The following RHBDD1 variants were observed in gnomAD, a reference collection of about 807,000 sequenced individuals.
The protein encoded by RHBDD1 is rhomboid-related protein 4.
RHBDD1 carries 38 observed loss-of-function variants against 36.3 expected under a neutral mutation model. The ratio of observed to expected loss-of-function variants is 1.05; its 90% CI spans 0.81 to 1.37. The LOEUF is 1.37. RHBDD1 is among the 40% of genes most tolerant of loss of function. RHBDD1 has a pLI of 0.00. For synonymous variants in RHBDD1, 151 were observed against 136.5 expected (o/e 1.11, Z -0.74); for missense variants, 393 against 377.6 (o/e 1.04, Z -0.34).
intron 5 of RHBDD1, among the ~76,000 whole-genome samples, chr2:226,875,809 G>A (rs1450064155): frequency 6.6e-6 from 1 of 152,170 alleles, no homozygotes; most frequent in East Asian, 1.9e-4. Context: ...CTTCAAATGT[G>A]TTCTTTTGAC....
At chr2:226,973,057 G>A (rs959195614) in intron 8 of RHBDD1, among the ~76,000 whole-genome samples, 2 of 152,160 alleles carry the variant, frequency 1.3e-5, no homozygotes, top group African/African-American at 4.8e-5. Context: ...CTGAGTTTGG[G>A]TTGTGCCCTG....
chr2:226,997,438 A>G lies in RHBDD1; in HGVS notation c.*1916A>G, dbSNP rs1019568737. On this transcript the variant is annotated 3_prime_UTR_variant, in exon 9 of 9. Coordinates refer to ENST00000392062, the MANE Select transcript of RHBDD1 (RefSeq NM_001167608.3). The stretch of plus-strand genomic sequence containing the variant: ...ACAGCTACACAAAGGTGTGCCTTCT[A>G]CGTGGGAACATGGATTGTGAATGAC... The G allele has an allele frequency of 4.6e-5, 7 of 152,164 alleles. No individual in the cohort carries two copies. The highest frequency in any genetic ancestry group is 1.7e-4 in the African/African-American group (7 of 41,426). 9.4% of individuals were successfully genotyped at this position (152,164 alleles called of 1,614,324 possible).
intron 8 of RHBDD1, among the ~76,000 whole-genome samples, chr2:226,919,179 A>G (rs924758021): frequency 6.6e-6 from 1 of 151,810 alleles, no homozygotes; most frequent in African/African-American, 2.4e-5. Flanking sequence ...GTTTTATCCA[A>G]TATGTAAGCA....
intron 5 of RHBDD1, among the ~76,000 whole-genome samples, chr2:226,882,638 A>G (rs969591700): frequency 2.7e-4 from 41 of 151,740 alleles, no homozygotes; most frequent in Non-Finnish European, 4.9e-4. Flanking sequence ...CTCACACCTA[A>G]TTTTACCTCT....
chr2:226,917,704 C>T (rs1949013401), intron 8 of RHBDD1, among the ~76,000 whole-genome samples: 2 of 151,562 alleles, frequency 1.3e-5, no homozygotes, highest in African/African-American at 2.4e-5. Context: ...TTTTTCCTTC[C>T]TCCTACACAT....
intron 5 of RHBDD1, among the ~76,000 whole-genome samples, chr2:226,871,905 C>A (rs930699454): frequency 6.6e-6 from 1 of 152,150 alleles, no homozygotes; most frequent in Admixed American, 6.5e-5. Flanking sequence ...CACCTTTATC[C>A]CTTTGGAATT....
At chr2:226,952,197 T>G (rs1341651436) in intron 8 of RHBDD1, among the ~76,000 whole-genome samples, 1 of 151,972 alleles carries the variant, frequency 6.6e-6, no homozygotes, top group East Asian at 1.9e-4. Flanking sequence ...TCCCTGAGAA[T>G]CAAAGTGAGA....
intron 8 of RHBDD1, among the ~76,000 whole-genome samples, chr2:226,979,333 T>G (rs1955185873): frequency 6.6e-6 from 1 of 152,094 alleles, no homozygotes; most frequent in African/African-American, 2.4e-5. Context: ...AAAAGCAGAA[T>G]TTATTGGGTG....
chr2:226,909,681 C>T (rs997174591), intron 7 of RHBDD1, among the ~76,000 whole-genome samples: 2 of 152,140 alleles, frequency 1.3e-5, no homozygotes, highest in East Asian at 1.9e-4. Flanking sequence ...CTAGCTTCCT[C>T]ACTGCCACAT....
intron 8 of RHBDD1, among the ~76,000 whole-genome samples, chr2:226,969,520 T>C (rs1953040971): frequency 6.7e-6 from 1 of 150,060 alleles, no homozygotes; most frequent in Non-Finnish European, 1.5e-5. Context: ...GGAGTTAAAC[T>C]ACATCCAAGG....
intron 3 of RHBDD1, among the ~76,000 whole-genome samples, chr2:226,863,595 A>G (rs1944051609): frequency 6.6e-6 from 1 of 152,182 alleles, no homozygotes; most frequent in Admixed American, 6.5e-5. Context: ...CCTCTGGAGT[A>G]GTAGCTGACC....
chr2:226,887,875 T>C (rs1239041781), intron 5 of RHBDD1, among the ~76,000 whole-genome samples: 2 of 152,248 alleles, frequency 1.3e-5, no homozygotes, highest in Non-Finnish European at 2.9e-5. Flanking sequence ...CAATGTAGTG[T>C]TGATGGAAAT....
intron 8 of RHBDD1, among the ~76,000 whole-genome samples, chr2:226,960,666 G>T (rs57800234): frequency 0.021 from 3,247 of 152,236 alleles, 120 homozygotes; most frequent in African/African-American, 0.074. Context: ...TTCTGTAAAT[G>T]AATATATATA....
the RHBDD1 span, among the ~76,000 whole-genome samples, chr2:226,815,180 T>C: frequency 6.6e-6 from 1 of 152,350 alleles, no homozygotes; most frequent in Admixed American, 6.5e-5. Flanking sequence ...TTATTTTCCT[T>C]TCTTTACCAA....
chr2:226,924,139 C>CT (rs1323855257), intron 8 of RHBDD1, among the ~76,000 whole-genome samples: 2 of 152,186 alleles, frequency 1.3e-5, no homozygotes, highest in African/African-American at 2.4e-5. Context: ...CAGCATGTCT[C>CT]TGAGTCTCAC....
chr2:226,949,512 A>G (rs569366086), intron 8 of RHBDD1, among the ~76,000 whole-genome samples: 4 of 152,274 alleles, frequency 2.6e-5, no homozygotes, highest in African/African-American at 9.6e-5. Flanking sequence ...CTGAGACTGG[A>G]TGGAACCCAG....
upstream of RHBDD1, chr2:226,835,540 C>T (rs935425376): frequency 1.3e-5 from 2 of 152,196 alleles, no homozygotes; most frequent in African/African-American, 2.4e-5. Flanking sequence ...GAGTGTCTTT[C>T]CCACCCTCCG....
intron 5 of RHBDD1, among the ~76,000 whole-genome samples, chr2:226,873,624 C>T (rs1944971029): frequency 2.0e-5 from 3 of 152,194 alleles, no homozygotes; most frequent in Middle Eastern, 3.4e-3. Flanking sequence ...GCTGAAGAGC[C>T]TTGTAGACTG....
At chr2:226,982,989 G>A (rs1391842465) in intron 8 of RHBDD1, among the ~76,000 whole-genome samples, 1 of 152,214 alleles carries the variant, frequency 6.6e-6, no homozygotes, top group Non-Finnish European at 1.5e-5. Context: ...GTTGAGCATA[G>A]CATAACCTAG....
Sources: gnomAD v4.1 joint callset for allele counts (sites outside exome capture counted in the v4.1 genomes callset) on GRCh38, gnomAD v4.1.1 for gene constraint, MANE v1.5 for transcripts, NCBI Gene and HGNC (gene_info 2026-07-23, HGNC 2026-07-21) for gene names.